CLTCL1: variants seen among roughly 807,000 people sequenced by gnomAD.
The protein encoded by CLTCL1 is clathrin heavy chain 2.
In CLTCL1, 159 loss-of-function variants were observed where a neutral mutation model predicts 190.0. The observed-to-expected ratio is 0.84, with a 90% CI of 0.74 to 0.95. CLTCL1 has a LOEUF of 0.95. Among genes scored for constraint, CLTCL1 ranks in the 40% least tolerant of loss-of-function variants. The probability of loss-of-function intolerance (pLI) is 0.00; values close to 1 mark genes in which losing one functional copy is unlikely to be tolerated. For missense variants in CLTCL1, 1,878 were observed against 2,033.4 expected (o/e 0.92, Z 1.47); for synonymous variants, 752 against 769.6 (o/e 0.98, Z 0.38).
In CLTCL1 at chr22:19,233,164, A is replaced by G. The variant is rs1285470373; in HGVS notation, c.1521+2T>C. On this transcript the variant is annotated splice_donor_variant, in intron 9 of 32. Transcript: ENST00000427926. LOFTEE classifies it high-confidence loss of function. ...AGATGCCAGTGGTTCAACACACGTT[A>G]CCTTTTTGGCATAGAGCACAATTTT... The G allele has an allele frequency of 6.2e-7, 1 of 1,611,264 alleles. No individual in the cohort carries two copies. Among genetic ancestry groups the G allele is most frequent in the Non-Finnish European group, 8.5e-7 (1 of 1,177,722 alleles).
Position 19,221,371 on chromosome 22 carries a change from A to T in CLTCL1, c.2796+6T>A. ...ACATGGGCAGCTCAGCACATCTGCTACCCACCTTGATGAGCTCAAGGTCAC... is the reference window on the plus strand; with the variant it reads ...ACATGGGCAGCTCAGCACATCTGCTTCCCACCTTGATGAGCTCAAGGTCAC... On this transcript the variant is annotated splice_donor_region_variant and intron_variant, in intron 17 of 32. Transcript: ENST00000427926. 6.5e-7 allele frequency: 1 copy of T among 1,539,894 alleles called. No individual in the cohort carries two copies. Among genetic ancestry groups the T allele is most frequent in the Non-Finnish European group, 8.8e-7 (1 of 1,138,418 alleles).
chr22:19,201,604 A>G, intron 22 of CLTCL1, 111 bp from the exon 23 acceptor site: 1 of 1,197,800 alleles, frequency 8.3e-7, no homozygotes, highest in Non-Finnish European at 1.2e-6. Flanking sequence ...CTAGGGTGGT[A>G]AGCATCTTTC....
chr22:19,253,570 T>C (rs2146080327), intron 3 of CLTCL1, among the ~76,000 whole-genome samples: 1 of 152,348 alleles, frequency 6.6e-6, no homozygotes, highest in Admixed American at 6.5e-5. Flanking sequence ...ACAATGAACA[T>C]CAGTAACCTG....
At chr22:19,194,849 T>C (rs1256503527) in intron 26 of CLTCL1, among the ~76,000 whole-genome samples, 8 of 152,240 alleles carry the variant, frequency 5.3e-5, no homozygotes, top group African/African-American at 1.9e-4. Context: ...GTCCATCTGA[T>C]TGGACCCCTG....
At chr22:19,239,923 C>T (rs2086197288) in intron 4 of CLTCL1, among the ~76,000 whole-genome samples, 1 of 151,688 alleles carries the variant, frequency 6.6e-6, no homozygotes, top group African/African-American at 2.4e-5. Flanking sequence ...TATGCCAGTG[C>T]CTTCCCTATA....
chr22:19,268,245 T>C lies in CLTCL1; in HGVS notation c.250+7378A>G, dbSNP rs531398375. 3.9e-5 allele frequency among the ~76,000 whole-genome samples: 6 copies of C among 152,286 alleles called. 1 individual carries two copies. In the South Asian group the frequency reaches 1.2e-3, roughly 32 times the overall value. ...CAGGGGCCATCTTGGAAGTGGAGTGTGAACCCTTAACAGACACACTATCTG... is the reference window on the plus strand; with the variant it reads ...CAGGGGCCATCTTGGAAGTGGAGTGCGAACCCTTAACAGACACACTATCTG... On this transcript the variant is annotated intron_variant, in intron 2 of 32. Transcript: ENST00000427926.
chr22:19,207,010 AT>A (rs781980213), intron 22 of CLTCL1, among the ~76,000 whole-genome samples: 3,086 of 92,580 alleles, frequency 0.033, 14 homozygotes, highest in Middle Eastern at 0.047. Context: ...TAAACTACTA[AT>A]TTTTTTTTTT....
intron 3 of CLTCL1, among the ~76,000 whole-genome samples, chr22:19,246,734 T>C (rs1240918229): frequency 6.6e-6 from 1 of 152,202 alleles, no homozygotes; most frequent in Non-Finnish European, 1.5e-5. Context: ...TTTTCTACTT[T>C]GTAAAAATTA....
chr22:19,267,535 A>G (rs2087157846), intron 2 of CLTCL1, among the ~76,000 whole-genome samples: 1 of 152,256 alleles, frequency 6.6e-6, no homozygotes, highest in African/African-American at 2.4e-5. Flanking sequence ...AAGTTGGAGT[A>G]CCAACACTAT....
At chr22:19,259,634 A>G (rs2146150242) in intron 2 of CLTCL1, among the ~76,000 whole-genome samples, 1 of 152,294 alleles carries the variant, frequency 6.6e-6, no homozygotes, top group South Asian at 2.1e-4. Flanking sequence ...ACACACATAT[A>G]AGATAGTGGA....
At chr22:19,243,825 G>A (rs1291669008) in intron 3 of CLTCL1, among the ~76,000 whole-genome samples, 4 of 150,768 alleles carry the variant, frequency 2.7e-5, no homozygotes, top group Admixed American at 1.3e-4. Context: ...AGCCTCCTGA[G>A]TAGCTGGGAC....
At chr22:19,264,747 C>A (rs2518837) in intron 2 of CLTCL1, among the ~76,000 whole-genome samples, 8,982 of 151,810 alleles carry the variant, frequency 0.059, 330 homozygotes, top group Middle Eastern at 0.16. Flanking sequence ...AAGATGATTT[C>A]TTGAATTCAC....
Position 19,194,811 on chromosome 22 carries a change from C to T in CLTCL1, c.4191+1455G>A, listed in dbSNP as rs1311957881. Reference sequence around the variant, plus strand: ...CTATGGCTAAGTGGATTCCTGCTATCGTGTGCCCCAAATACAGATTGGATG... The same window carrying T: ...CTATGGCTAAGTGGATTCCTGCTATTGTGTGCCCCAAATACAGATTGGATG... On this transcript the variant is annotated intron_variant, in intron 26 of 32. Transcript: ENST00000427926. Among the ~76,000 whole-genome samples, 6 of 152,356 alleles carry T rather than the reference C, an allele frequency of 3.9e-5. No homozygotes were observed. The South Asian group carries it at 8.3e-4, about 21-fold the overall frequency.
At chr22:19,188,152 G>A (rs2084375626) in intron 27 of CLTCL1, 61 bp from the exon 28 acceptor site, 1 of 1,485,728 alleles carries the variant, frequency 6.7e-7, no homozygotes, top group Admixed American at 1.7e-5. Context: ...ACACTAGGCA[G>A]GGGCACAGGT....
Position 19,234,661 on chromosome 22 carries a change from T to C in CLTCL1, c.1015A>G (p.Thr339Ala), listed in dbSNP as rs1279411803. 1 of 1,613,878 alleles carries C rather than the reference T, an allele frequency of 6.2e-7. No individual in the cohort carries two copies. Among genetic ancestry groups the C allele is most frequent in the African/African-American group, 1.3e-5 (1 of 74,930 alleles). Reference sequence around the variant, plus strand: ...AGGTCTGGATTCTGAAGCACGTTGGTTGCATAATTCACAATGTTATCTTCC... The same window carrying C: ...AGGTCTGGATTCTGAAGCACGTTGGCTGCATAATTCACAATGTTATCTTCC... ...VEEDNIVNYA[T>A]NVLQNPDLGL... The change falls in exon 7 of 33, where the codon ACC (threonine) becomes GCC (alanine). Residue 339 changes from threonine (T) to alanine (A), a missense_variant. Transcript: ENST00000427926.
chr22:19,289,460 C>T (rs1370961265), intron 1 of CLTCL1, among the ~76,000 whole-genome samples: 2 of 152,046 alleles, frequency 1.3e-5, no homozygotes, highest in Non-Finnish European at 1.5e-5. Flanking sequence ...AAAACAGATT[C>T]AGGGGAAAAA....
chr22:19,275,914 A>C, intron 1 of CLTCL1, 84 bp from the exon 2 acceptor site: 1 of 1,237,694 alleles, frequency 8.1e-7, no homozygotes, highest in East Asian at 2.6e-5. Context: ...GAGAAGTTAA[A>C]TAAAATTTAG....
intron 1 of CLTCL1, among the ~76,000 whole-genome samples, chr22:19,283,981 G>A (rs1173954786): frequency 2.9e-5 from 4 of 139,338 alleles, no homozygotes; most frequent in African/African-American, 1.1e-4. Context: ...GACAGAGACA[G>A]ACCCTGTCTC....
chr22:19,225,881 A>T (rs987803416), intron 12 of CLTCL1, among the ~76,000 whole-genome samples: 5 of 152,360 alleles, frequency 3.3e-5, no homozygotes, highest in Middle Eastern at 6.8e-3. Flanking sequence ...TTATTCCATA[A>T]ATTGGAACAC....
Sources: gnomAD v4.1 joint callset for allele counts (sites outside exome capture counted in the v4.1 genomes callset) on GRCh38, gnomAD v4.1.1 for gene constraint, MANE v1.5 for transcripts, NCBI Gene and HGNC (gene_info 2026-07-23, HGNC 2026-07-21) for gene names.